SPHKAP: variants seen among roughly 807,000 people sequenced by gnomAD.
SPHKAP encodes the protein SPHK1 interactor, AKAP domain containing.
In SPHKAP, 67 loss-of-function variants were observed where a neutral mutation model predicts 137.5. The ratio of observed to expected loss-of-function variants is 0.49; its 90% CI spans 0.40 to 0.60. SPHKAP has a LOEUF of 0.60. Ranked by LOEUF, SPHKAP falls within the 20% of genes least tolerant of loss-of-function variation. SPHKAP has a pLI of 0.00. For missense variants in SPHKAP, 2,097 were observed against 2,069.3 expected, an observed-to-expected ratio of 1.01 and a Z score of -0.26; for synonymous variants, 813 against 785.3, an observed-to-expected ratio of 1.04 and a Z score of -0.59.
intron 2 of SPHKAP, among the ~76,000 whole-genome samples, chr2:228,115,278 C>T (rs1436094894): frequency 3.9e-5 from 6 of 152,070 alleles, no homozygotes; most frequent in South Asian, 2.1e-4. Flanking sequence ...CTTGGCTTTT[C>T]GCACTCCTGT....
intron 3 of SPHKAP, among the ~76,000 whole-genome samples, chr2:228,100,075 C>T (rs971749423): frequency 1.3e-5 from 2 of 152,102 alleles, no homozygotes; most frequent in East Asian, 1.9e-4. Flanking sequence ...TGGTCTCGAT[C>T]TCCTGACCTC....
rs1323992273 is a variant in SPHKAP at position 227,993,609 on chromosome 2, C to T, written c.4646G>A (p.Ser1549Asn). ...LSERSMSNGN[S>N]SATSSLGIMD... is the part of the protein sequence containing the mutation. ...AATGCCAAGACTGCTAGTGGCACTACTGTTGCCATTGCTGACAAAGCAAAA... is the reference window on the plus strand; with the variant it reads ...AATGCCAAGACTGCTAGTGGCACTATTGTTGCCATTGCTGACAAAGCAAAA... The change falls in exon 9 of 12, where the codon AGT becomes AAT. Residue 1549 changes from serine to asparagine, a missense_variant. Ser to Asn is a conservative substitution (Grantham distance 46). Coordinates refer to ENST00000392056, the MANE Select transcript of SPHKAP (RefSeq NM_001142644.2). 6.3e-7 allele frequency: 1 copy of T among 1,595,166 alleles called. No individual in the cohort carries two copies. The highest frequency in any genetic ancestry group is 1.7e-5 in the Admixed American group (1 of 57,304).
chr2:227,986,777 G>T (rs1693227863), intron 11 of SPHKAP, among the ~76,000 whole-genome samples: 1 of 152,138 alleles, frequency 6.6e-6, no homozygotes, highest in Non-Finnish European at 1.5e-5. Flanking sequence ...AATTCTCAAT[G>T]CAGGCTCAAA....
intron 7 of SPHKAP, among the ~76,000 whole-genome samples, chr2:227,997,941 C>T (rs1271214862): frequency 1.3e-5 from 2 of 152,194 alleles, no homozygotes; most frequent in Non-Finnish European, 2.9e-5. Flanking sequence ...GAGAGCTCCA[C>T]TTGTTAAGTT....
chr2:228,046,291 C>CTTTTTTTTTT (rs58510792), intron 3 of SPHKAP, among the ~76,000 whole-genome samples: 75 of 82,478 alleles, frequency 9.1e-4, no homozygotes, highest in African/African-American at 1.1e-3. Context: ...TGTTGTTATT[C>CTTTTTTTTTT]TTTTTTTTTT....
At chr2:227,995,903 T>C (rs1308198144) in intron 7 of SPHKAP, 6 of 972,984 alleles carry the variant, frequency 6.2e-6, no homozygotes, top group Non-Finnish European at 7.3e-6. Context: ...TCTCTTCTAT[T>C]AATCTCTTTC....
chr2:228,019,303 T>C lies in SPHKAP; in HGVS notation c.1551A>G (p.Glu517=). ...IGTISSPQAT[E]RLKMEQVVSN... ...AGACCACTTGCTCCATTTTGAGTCT[T>C]TCTGTGGCCTGTGGACTGGAAATAG... The change falls in exon 7 of 12, where the codon GAA becomes GAG. Residue 517 remains glutamate, a synonymous_variant. Transcript: ENST00000392056. 1 of 1,614,072 alleles carries C rather than the reference T, an allele frequency of 6.2e-7. No individual in the cohort carries two copies. The highest frequency in any genetic ancestry group is 1.1e-5 in the South Asian group (1 of 91,082).
intron 7 of SPHKAP, among the ~76,000 whole-genome samples, chr2:228,002,943 C>G (rs1693966836): frequency 6.6e-6 from 1 of 152,050 alleles, no homozygotes; most frequent in South Asian, 2.1e-4. Flanking sequence ...GTTTTGGTAC[C>G]AGTACCATGC....
intron 3 of SPHKAP, among the ~76,000 whole-genome samples, chr2:228,080,068 G>T (rs911758041): frequency 6.8e-6 from 1 of 147,254 alleles, no homozygotes; most frequent in Non-Finnish European, 1.5e-5. Context: ...AAGTAACAAT[G>T]TTTTTTTTTT....
At chr2:228,108,969 A>T (rs1458015032) in intron 2 of SPHKAP, 30 bp from the exon 3 acceptor site, 1 of 1,444,142 alleles carries the variant, frequency 6.9e-7, no homozygotes, top group East Asian at 2.4e-5. Flanking sequence ...CTCAGTTCTT[A>T]TTCGGCAATC....
Position 228,063,166 on chromosome 2 carries a change from A to G in SPHKAP, c.247-35623T>C, listed in dbSNP as rs549056469. The stretch of plus-strand genomic sequence containing the variant: ...TCCCTATCTATCTATCTATCTATCT[A>G]TCTATCTATCTGTCTGTCTGTCTGT... On this transcript the variant is annotated intron_variant, in intron 3 of 11. Coordinates refer to ENST00000392056, the MANE Select transcript of SPHKAP (RefSeq NM_001142644.2). Among the ~76,000 whole-genome samples the G allele has an allele frequency of 3.5e-3, 490 of 142,018 alleles. 4 individuals are homozygous for G. Among genetic ancestry groups the G allele is most frequent in the African/African-American group, 0.014 (460 of 34,044 alleles). The allele number at this position is 142,018 out of a possible 152,430, so 93.2% of individuals were successfully genotyped here.
At chr2:228,041,140 T>A (rs1303320769) in intron 3 of SPHKAP, among the ~76,000 whole-genome samples, 1 of 152,238 alleles carries the variant, frequency 6.6e-6, no homozygotes, top group African/African-American at 2.4e-5. Flanking sequence ...AGCTTTCTTG[T>A]GTTTTATCAG....
chr2:228,164,706 T>C (rs1700371026), intron 1 of SPHKAP, among the ~76,000 whole-genome samples: 1 of 152,080 alleles, frequency 6.6e-6, no homozygotes, highest in African/African-American at 2.4e-5. Flanking sequence ...TTGTCACTCA[T>C]CTCTCCCTCA....
chr2:227,984,568 A>G (rs913282577), intron 11 of SPHKAP, among the ~76,000 whole-genome samples: 18 of 152,206 alleles, frequency 1.2e-4, no homozygotes, highest in Admixed American at 1.3e-4. Flanking sequence ...TGTAAGATCC[A>G]AGCCATGATT....
intron 1 of SPHKAP, among the ~76,000 whole-genome samples, chr2:228,141,317 G>C (rs749250730): frequency 3.9e-5 from 6 of 152,180 alleles, no homozygotes; most frequent in African/African-American, 9.7e-5. Context: ...TTTGTCATGA[G>C]ATGGTTGTGG....
rs1469904391 is a variant in SPHKAP at position 228,135,292 on chromosome 2, A to C, written c.33-3207T>G. Among the ~76,000 whole-genome samples the C allele has an allele frequency of 2.8e-4, 43 of 151,696 alleles. 1 individual carries two copies. Among genetic ancestry groups the C allele is most frequent in the Admixed American group, 2.4e-3 (36 of 15,232 alleles). ...TCTGTCTCAAAAAAAAAAAAAAAAA[A>C]AGCAAAAAAGCACTTCAACAGCCTC... On this transcript the variant is annotated intron_variant, in intron 1 of 11. Transcript: ENST00000392056.
intron 3 of SPHKAP, among the ~76,000 whole-genome samples, chr2:228,065,285 G>A (rs1696788961): frequency 6.6e-6 from 1 of 152,192 alleles, no homozygotes; most frequent in South Asian, 2.1e-4. Flanking sequence ...AACAGCCACA[G>A]ACTAGTTTAT....
At chr2:227,992,150 C>T (rs911826008) in intron 9 of SPHKAP, among the ~76,000 whole-genome samples, 19 of 152,194 alleles carry the variant, frequency 1.2e-4, no homozygotes, top group African/African-American at 2.6e-4. Context: ...ATATTTTTGT[C>T]GTGTCTAGAA....
At chr2:228,035,101 G>A (rs1294555324) in intron 3 of SPHKAP, among the ~76,000 whole-genome samples, 2 of 146,286 alleles carry the variant, frequency 1.4e-5, no homozygotes, top group Non-Finnish European at 3.0e-5. Context: ...GTCCCTGTTT[G>A]CAGATGACAT....
Sources: allele counts gnomAD v4.1 joint callset (sites outside exome capture counted in the v4.1 genomes callset), GRCh38; gene constraint gnomAD v4.1.1; transcripts MANE v1.5; gene names NCBI Gene and HGNC (gene_info 2026-07-23, HGNC 2026-07-21).